PBX1: variants seen among roughly 807,000 people sequenced by gnomAD.
PBX1 encodes the protein pre-B-cell leukemia transcription factor 1.
In PBX1, 6 loss-of-function variants were observed where a neutral mutation model predicts 53.4. The observed-to-expected ratio is 0.11, with a 90% CI of 0.06 to 0.22. The LOEUF (loss-of-function observed/expected upper bound fraction) is 0.22. Ranked by LOEUF, PBX1 falls within the 10% of genes least tolerant of loss-of-function variation. The pLI is 1.00. For missense variants in PBX1, 251 were observed against 551.4 expected (o/e 0.46, Z 5.46); for synonymous variants, 204 against 212.3 (o/e 0.96, Z 0.34).
chr1:164,773,493 T>G (rs2102253114), intron 2 of PBX1, among the ~76,000 whole-genome samples: 1 of 151,588 alleles, frequency 6.6e-6, no homozygotes, highest in Admixed American at 6.6e-5. Context: ...CTGGCAGTTT[T>G]GGCCTTAAGA....
At chr1:164,628,268 A>G (rs1018361959) in intron 2 of PBX1, among the ~76,000 whole-genome samples, 4 of 152,326 alleles carry the variant, frequency 2.6e-5, no homozygotes, top group African/African-American at 7.2e-5. Context: ...TCAGTTTACA[A>G]CTGATACTTT....
At chr1:164,805,592 C>T (rs571279451) in intron 4 of PBX1, among the ~76,000 whole-genome samples, 51 of 152,276 alleles carry the variant, frequency 3.3e-4, no homozygotes, top group Non-Finnish European at 6.3e-4. Flanking sequence ...AATGAAGGAA[C>T]GGAGGCTCTC....
At chr1:164,833,609 A>G (rs932193117) in intron 8 of PBX1, among the ~76,000 whole-genome samples, 3 of 152,174 alleles carry the variant, frequency 2.0e-5, no homozygotes, top group Non-Finnish European at 4.4e-5. Context: ...TCTGACACTT[A>G]TCTTTCATTC....
intron 2 of PBX1, among the ~76,000 whole-genome samples, chr1:164,614,162 G>A (rs1657118802): frequency 6.6e-6 from 1 of 152,114 alleles, no homozygotes; most frequent in African/African-American, 2.4e-5. Context: ...TCGGTGATTG[G>A]GTCCTCCTTG....
At chr1:164,781,660 C>T (rs998561334) in intron 2 of PBX1, among the ~76,000 whole-genome samples, 2 of 152,126 alleles carry the variant, frequency 1.3e-5, no homozygotes, top group African/African-American at 4.8e-5. Flanking sequence ...CTCAAGGGCA[C>T]CCGATACCCT....
chr1:164,885,894 A>G (rs1218711468), intron 2 of PBX1, among the ~76,000 whole-genome samples: 1 of 152,086 alleles, frequency 6.6e-6, no homozygotes, highest in African/African-American at 2.4e-5. Context: ...AATACCTAAC[A>G]TACTATATAG....
chr1:164,706,615 T>A (rs972273602), intron 2 of PBX1, among the ~76,000 whole-genome samples: 1 of 152,216 alleles, frequency 6.6e-6, no homozygotes, highest in African/African-American at 2.4e-5. Context: ...TTTGAACATA[T>A]GACAATATGC....
intron 2 of PBX1, among the ~76,000 whole-genome samples, chr1:164,660,564 G>A (rs1275649278): frequency 6.6e-6 from 1 of 151,812 alleles, no homozygotes; most frequent in Non-Finnish European, 1.5e-5. Context: ...TAAAACCACA[G>A]TCAGTTGTAG....
chr1:164,649,712 C>T (rs1487897878), intron 2 of PBX1, among the ~76,000 whole-genome samples: 2 of 152,178 alleles, frequency 1.3e-5, no homozygotes, highest in African/African-American at 4.8e-5. Context: ...TATTGCATTC[C>T]ACCCCCTGCC....
intron 2 of PBX1, among the ~76,000 whole-genome samples, chr1:164,634,939 G>A (rs944670690): frequency 3.9e-5 from 6 of 151,938 alleles, no homozygotes; most frequent in Non-Finnish European, 7.4e-5. Context: ...AGCATCATAG[G>A]TGACAAGGGG....
At chr1:164,783,316 G>A (rs1269169253) in intron 2 of PBX1, among the ~76,000 whole-genome samples, 7 of 151,714 alleles carry the variant, frequency 4.6e-5, no homozygotes. Context: ...GAGGATCTAT[G>A]GATTCCTTAG....
At chr1:164,759,426 G>T in intron 2 of PBX1, among the ~76,000 whole-genome samples, 1 of 152,210 alleles carries the variant, frequency 6.6e-6, no homozygotes, top group South Asian at 2.1e-4. Flanking sequence ...GCCCAAGGAA[G>T]CCAAGACTCC....
At chr1:164,648,832 A>G (rs968610866) in intron 2 of PBX1, among the ~76,000 whole-genome samples, 1 of 152,232 alleles carries the variant, frequency 6.6e-6, no homozygotes, top group Admixed American at 6.5e-5. Context: ...TAATGAAAAC[A>G]TGCACCAGAG....
At chr1:164,874,237 C>A (rs1471522512) in intron 2 of PBX1, among the ~76,000 whole-genome samples, 2 of 152,118 alleles carry the variant, frequency 1.3e-5, no homozygotes, top group African/African-American at 2.4e-5. Flanking sequence ...ACTTGGGGAC[C>A]ATCATAGCCA....
chr1:164,699,897 G>C (rs1663015229), intron 2 of PBX1, among the ~76,000 whole-genome samples: 1 of 152,204 alleles, frequency 6.6e-6, no homozygotes, highest in Non-Finnish European at 1.5e-5. Flanking sequence ...GGAGTTGACA[G>C]AGCGGTTTTG....
At chr1:164,868,215 AG>A in intron 2 of PBX1, among the ~76,000 whole-genome samples, 1 of 152,224 alleles carries the variant, frequency 6.6e-6, no homozygotes, top group South Asian at 2.1e-4. Flanking sequence ...GTGACTTCTG[AG>A]GGGGGCCATT....
chr1:164,646,451 G>A (rs899728589), intron 2 of PBX1, among the ~76,000 whole-genome samples: 6 of 152,142 alleles, frequency 3.9e-5, no homozygotes, highest in African/African-American at 1.4e-4. Flanking sequence ...AGCTTCCCTT[G>A]TAGGCTGACT....
chr1:164,785,294 G>T (rs1045283542), intron 2 of PBX1, among the ~76,000 whole-genome samples: 14 of 152,122 alleles, frequency 9.2e-5, no homozygotes, highest in African/African-American at 3.4e-4. Context: ...ATTAAAAAAG[G>T]CATTTCACAT....
intron 2 of PBX1, among the ~76,000 whole-genome samples, chr1:164,768,271 C>T (rs1475776137): frequency 6.6e-6 from 1 of 152,194 alleles, no homozygotes; most frequent in Non-Finnish European, 1.5e-5. Context: ...ACAATAAGTG[C>T]TAGCTTGGGA....
Sources: gnomAD v4.1 joint callset for allele counts (sites outside exome capture counted in the v4.1 genomes callset) on GRCh38, gnomAD v4.1.1 for gene constraint, MANE v1.5 for transcripts, NCBI Gene and HGNC (gene_info 2026-07-23, HGNC 2026-07-21) for gene names.